MAML2: variants seen among roughly 807,000 people sequenced by gnomAD.
MAML2 encodes the protein mastermind-like protein 2.
MAML2 carries 22 observed loss-of-function variants against 96.1 expected under a neutral mutation model. The ratio of observed to expected loss-of-function variants is 0.23; its 90% CI spans 0.16 to 0.33. The LOEUF (loss-of-function observed/expected upper bound fraction) is 0.33. Among genes scored for constraint, MAML2 ranks in the 10% least tolerant of loss-of-function variants. The probability of loss-of-function intolerance (pLI) is 1.00; values close to 1 mark genes in which losing one functional copy is unlikely to be tolerated. For synonymous variants in MAML2, 561 were observed against 521.3 expected (o/e 1.08, Z -1.04); for missense variants, 1,367 against 1,392.4 (o/e 0.98, Z 0.29).
At chr11:96,113,459 C>T (rs148568454) in intron 1 of MAML2, among the ~76,000 whole-genome samples, 1 of 151,760 alleles carries the variant, frequency 6.6e-6, no homozygotes, top group South Asian at 2.1e-4. Context: ...TGATTTACCC[C>T]CTCAATTTAA....
chr11:96,004,617 AAAATGGAGC>A (rs997130453), intron 2 of MAML2, among the ~76,000 whole-genome samples: 1 of 152,194 alleles, frequency 6.6e-6, no homozygotes, highest in Non-Finnish European at 1.5e-5. Context: ...ATGATGAAAA[AAAATGGAGC>A]TTTTGTAGTT....
chr11:96,213,647 G>A (rs967444937), intron 1 of MAML2, among the ~76,000 whole-genome samples: 4 of 152,022 alleles, frequency 2.6e-5, no homozygotes, highest in South Asian at 2.1e-4. Flanking sequence ...TCCTGGGAAC[G>A]GGCTGATATT....
intron 2 of MAML2, among the ~76,000 whole-genome samples, chr11:96,043,159 A>G (rs894649723): frequency 3.9e-5 from 6 of 152,222 alleles, no homozygotes; most frequent in African/African-American, 1.4e-4. Context: ...CTTTACTTTT[A>G]TATCAACGGA....
intron 2 of MAML2, 75 bp from the exon 3 acceptor site, chr11:95,991,798 T>A: frequency 9.0e-7 from 1 of 1,108,454 alleles, no homozygotes; most frequent in Non-Finnish European, 1.4e-6. Flanking sequence ...GATCATACAC[T>A]CAGATTCCAA....
intron 2 of MAML2, among the ~76,000 whole-genome samples, chr11:96,050,220 G>T (rs147474646): frequency 1.3e-5 from 2 of 152,314 alleles, no homozygotes; most frequent in African/African-American, 4.8e-5. Context: ...ACAAGTGAGT[G>T]TATGTGTGAG....
At chr11:96,123,840 G>A (rs1357869613) in intron 1 of MAML2, among the ~76,000 whole-genome samples, 9 of 152,108 alleles carry the variant, frequency 5.9e-5, no homozygotes, top group African/African-American at 1.7e-4. Context: ...TTGGGAGGCC[G>A]AGGTAGGTGG....
At position 95,976,722 on chromosome 11, in the gene MAML2, C is replaced by A. The variant is rs920468289; in HGVS notation, c.*2226G>T. On this transcript the variant is annotated 3_prime_UTR_variant, in exon 5 of 5. Coordinates refer to ENST00000524717, the MANE Select transcript of MAML2 (RefSeq NM_032427.4). ...CTTTATCTCTTAAATTTGATAACTA[C>A]TACAAAACATACTATTTATGTTAGG... The A allele has an allele frequency of 1.7e-5, 3 of 180,720 alleles. No individual in the cohort carries two copies. Among genetic ancestry groups the A allele is most frequent in the East Asian group, 1.8e-4 (2 of 10,978 alleles). The allele number at this position is 180,720 out of a possible 1,614,324, so 11.2% of individuals were successfully genotyped here.
At position 96,025,736 on chromosome 11, in the gene MAML2, T is replaced by C. The variant is rs1001406419; in HGVS notation, c.2140-34013A>G. On this transcript the variant is annotated intron_variant, in intron 2 of 4. Coordinates refer to ENST00000524717, the MANE Select transcript of MAML2 (RefSeq NM_032427.4). ...ACCCAACTAATTTTTTTTTTCTTTG[T>C]ATTTTTAGTAGAGTTGAGGTTTCAC... Among the ~76,000 whole-genome samples, 3 of 152,254 alleles carry C rather than the reference T, an allele frequency of 2.0e-5. No homozygotes were observed. The South Asian group carries it at 6.2e-4, about 32-fold the overall frequency.
chr11:96,275,603 T>C (rs1186030574), intron 1 of MAML2, among the ~76,000 whole-genome samples: 1 of 152,154 alleles, frequency 6.6e-6, no homozygotes, highest in Non-Finnish European at 1.5e-5. Flanking sequence ...ACTCAGACCA[T>C]GTGACAACTT....
intron 2 of MAML2, among the ~76,000 whole-genome samples, chr11:96,086,342 A>G (rs1039221736): frequency 6.6e-6 from 1 of 152,214 alleles, no homozygotes; most frequent in Non-Finnish European, 1.5e-5. Flanking sequence ...AGATTCTTAA[A>G]TTTGAATGGA....
At chr11:96,087,586 C>G (rs1376554781) in intron 2 of MAML2, among the ~76,000 whole-genome samples, 3 of 152,198 alleles carry the variant, frequency 2.0e-5, no homozygotes, top group Non-Finnish European at 4.4e-5. Flanking sequence ...CTATAGATTT[C>G]ATGTCATTAT....
chr11:96,176,686 TG>T (rs1453511195), intron 1 of MAML2, among the ~76,000 whole-genome samples: 1 of 152,000 alleles, frequency 6.6e-6, no homozygotes, highest in African/African-American at 2.4e-5. Context: ...GGAGGATAGG[TG>T]TTGGCAGTTA....
At chr11:96,095,960 G>A (rs1202959804) in intron 1 of MAML2, among the ~76,000 whole-genome samples, 1 of 152,012 alleles carries the variant, frequency 6.6e-6, no homozygotes, top group East Asian at 1.9e-4. Flanking sequence ...CACAGAACAT[G>A]GTCAGCTATC....
At position 96,290,514 on chromosome 11, in the gene MAML2, G is replaced by C. The variant is rs572821979; in HGVS notation, c.513+50869C>G. Among the ~76,000 whole-genome samples the C allele has an allele frequency of 9.2e-5, 14 of 152,296 alleles. No homozygotes were observed. The South Asian group carries it at 2.9e-3, about 32-fold the overall frequency. On this transcript the variant is annotated intron_variant, in intron 1 of 4. Transcript: ENST00000524717. ...AAGCATTGAGTAGCCAAACTGATTG[G>C]TGAGACAATCAAGATTTCAAGATCT...
At chr11:96,153,832 A>G (rs751858312) in intron 1 of MAML2, among the ~76,000 whole-genome samples, 9 of 152,032 alleles carry the variant, frequency 5.9e-5, no homozygotes, top group Non-Finnish European at 1.3e-4. Context: ...AATCACTTGA[A>G]CCTGGGAGGC....
At chr11:96,230,335 T>G (rs1862275400) in intron 1 of MAML2, among the ~76,000 whole-genome samples, 3 of 152,232 alleles carry the variant, frequency 2.0e-5, no homozygotes, top group Admixed American at 2.0e-4. Flanking sequence ...TTTGTATATA[T>G]CTATATATAT....
chr11:96,122,499 T>G (rs4623861), intron 1 of MAML2, among the ~76,000 whole-genome samples: 53 of 30,338 alleles, frequency 1.7e-3, no homozygotes, highest in Middle Eastern at 0.038. Flanking sequence ...TTAGGCTGGG[T>G]GTGTGTGTGT....
rs55878534 is a variant in MAML2 at position 96,299,060 on chromosome 11, A to AAAAAATATATATATATATAT, written c.513+42322_513+42323insATATATATATATATATTTTT. Reference sequence around the variant, plus strand: ...AGTCCATCTCAAAAAAAAAAAAAAAAATATATATATATATATATATAAAAT... The same window carrying AAAAAATATATATATATATAT: ...AGTCCATCTCAAAAAAAAAAAAAAAAAAAAATATATATATATATATATATATATATATATATATATAAAAT... On this transcript the variant is annotated intron_variant, in intron 1 of 4. Transcript: ENST00000524717. 1.2e-3 allele frequency among the ~76,000 whole-genome samples: 68 copies of AAAAAATATATATATATATAT among 56,308 alleles called. 2 individuals are homozygous for AAAAAATATATATATATATAT. The highest frequency in any genetic ancestry group is 1.1e-3 in the Non-Finnish European group (36 of 33,092). The allele number at this position is 56,308 out of a possible 152,430, so 36.9% of individuals were successfully genotyped here.
At chr11:96,190,930 T>C (rs1241407487) in intron 1 of MAML2, among the ~76,000 whole-genome samples, 2 of 152,228 alleles carry the variant, frequency 1.3e-5, no homozygotes, top group Non-Finnish European at 2.9e-5. Context: ...AAACAATTAA[T>C]GTAATCTGAG....
Sources: gnomAD v4.1 joint callset for allele counts (sites outside exome capture counted in the v4.1 genomes callset) on GRCh38, gnomAD v4.1.1 for gene constraint, MANE v1.5 for transcripts, NCBI Gene and HGNC (gene_info 2026-07-23, HGNC 2026-07-21) for gene names.